GAS7: variants seen among roughly 807,000 people sequenced by gnomAD.
GAS7 encodes the protein growth arrest-specific protein 7.
In GAS7, 28 loss-of-function variants were observed where a neutral mutation model predicts 71.1. That is an observed-to-expected ratio of 0.39 (90% CI 0.29 to 0.54). The LOEUF is 0.54. GAS7 is among the 20% of genes least tolerant of loss of function. The pLI, the probability that GAS7 is intolerant of heterozygous loss-of-function variation, is 0.62. For synonymous variants in GAS7, 258 were observed against 245.8 expected, an observed-to-expected ratio of 1.05 and a Z score of -0.46; for missense variants, 436 against 627.8, an observed-to-expected ratio of 0.69 and a Z score of 3.27.
In GAS7 at chr17:9,917,200, AGGACCCCCCGAAGCTGCACAGG is replaced by A; in HGVS notation, c.*6_*27del. On this transcript the variant is annotated 3_prime_UTR_variant, in exon 14 of 14. Coordinates refer to ENST00000432992, the MANE Select transcript of GAS7 (RefSeq NM_201433.2). ...TGGGAGCCCAGCCCCCCTCCCCAGC[AGGACCCCCCGAAGCTGCACAGG>A]CCCATCTAGATCTCCATGTCCACAG... 2 of 968,998 alleles carry A rather than the reference AGGACCCCCCGAAGCTGCACAGG, an allele frequency of 2.1e-6. No individual in the cohort carries two copies. The highest frequency in any genetic ancestry group is 3.4e-6 in the Non-Finnish European group (2 of 593,344). 60.0% of individuals were successfully genotyped at this position (968,998 alleles called of 1,614,324 possible). A position where few individuals can be genotyped will look rare whatever the true frequency, so the allele number is the denominator to read the frequency against.
At chr17:9,922,562 G>A (rs558345676) in intron 11 of GAS7, among the ~76,000 whole-genome samples, 2 of 152,158 alleles carry the variant, frequency 1.3e-5, no homozygotes, top group South Asian at 2.1e-4. Flanking sequence ...CAGAAGAGGC[G>A]GTATTTTTCA....
rs2067707991 is a variant in GAS7 at position 9,919,303 on chromosome 17, G to T, written c.1218+323C>A. On this transcript the variant is annotated intron_variant, in intron 12 of 13. Coordinates refer to ENST00000432992, the MANE Select transcript of GAS7 (RefSeq NM_201433.2). The surrounding 1 kb of genome is among the most constrained non-coding windows in gnomAD (Gnocchi z 5.0). ...GGCGGTCCTCTCTTCCTATAGCTTG[G>T]CTATTTTTCCTAAAGAGGCCCTTGT... Among the ~76,000 whole-genome samples, 1 of 152,006 alleles carries T rather than the reference G, an allele frequency of 6.6e-6. No individual in the cohort carries two copies. Among genetic ancestry groups the T allele is most frequent in the South Asian group, 2.1e-4 (1 of 4,816 alleles).
At chr17:10,168,098 T>C (rs1191591462) in intron 1 of GAS7, among the ~76,000 whole-genome samples, 1 of 152,158 alleles carries the variant, frequency 6.6e-6, no homozygotes, top group East Asian at 1.9e-4. Context: ...CAGGCTCAAT[T>C]CTTTGCCATG....
intron 1 of GAS7, among the ~76,000 whole-genome samples, chr17:10,160,753 G>A (rs922994593): frequency 1.3e-5 from 2 of 152,174 alleles, no homozygotes; most frequent in South Asian, 2.1e-4. Context: ...TGCCTAGGCT[G>A]AATAGCAGTG....
At chr17:9,929,377 T>C (rs1436349652) in intron 9 of GAS7, among the ~76,000 whole-genome samples, 1 of 152,226 alleles carries the variant, frequency 6.6e-6, no homozygotes, top group Non-Finnish European at 1.5e-5. Context: ...TCAAATGACA[T>C]TCTGGAAGCG....
At chr17:9,997,567 G>C (rs2071097102) in intron 2 of GAS7, among the ~76,000 whole-genome samples, 1 of 152,162 alleles carries the variant, frequency 6.6e-6, no homozygotes, top group South Asian at 2.1e-4. Flanking sequence ...GTCTCCAGCG[G>C]ACACAAGCAG....
intron 13 of GAS7, 79 bp downstream of exon 13, chr17:9,917,922 T>C (rs780150518): frequency 9.9e-7 from 1 of 1,012,070 alleles, no homozygotes; most frequent in Non-Finnish European, 1.5e-6. Context: ...AGCAGCCACT[T>C]AACCTGCCAC....
intron 5 of GAS7, among the ~76,000 whole-genome samples, chr17:9,949,055 C>G (rs1165123911): frequency 6.6e-6 from 1 of 152,090 alleles, no homozygotes; most frequent in East Asian, 1.9e-4. Context: ...CCAGGCGTCA[C>G]AGAAACTGCA....
chr17:10,023,364 A>T (rs937726344), intron 1 of GAS7, among the ~76,000 whole-genome samples: 1 of 152,232 alleles, frequency 6.6e-6, no homozygotes, highest in African/African-American at 2.4e-5. Context: ...CCTAGAAACA[A>T]GCAGTCAGAC....
chr17:10,120,044 A>T (rs894853386), intron 1 of GAS7, among the ~76,000 whole-genome samples: 4 of 152,192 alleles, frequency 2.6e-5, no homozygotes, highest in Non-Finnish European at 5.9e-5. Context: ...TAGTGAGCAG[A>T]GCACCAAGGG....
At chr17:10,053,932 G>A (rs115907601) in intron 1 of GAS7, among the ~76,000 whole-genome samples, 1,888 of 152,192 alleles carry the variant, frequency 0.012, 37 homozygotes, top group African/African-American at 0.043. Flanking sequence ...ACAGTCTGCC[G>A]GGCCCACCCT....
intron 2 of GAS7, among the ~76,000 whole-genome samples, chr17:9,997,206 T>C (rs1173424459): frequency 8.4e-6 from 1 of 118,990 alleles, no homozygotes; most frequent in Non-Finnish European, 1.6e-5. Flanking sequence ...TTTCAGAAAT[T>C]AAATTCCATA....
chr17:10,164,357 G>A (rs560714234), intron 1 of GAS7, among the ~76,000 whole-genome samples: 28 of 150,836 alleles, frequency 1.9e-4, no homozygotes, highest in African/African-American at 6.1e-4. Flanking sequence ...CAGGAGAATC[G>A]CTTGAACCCG....
At chr17:10,051,045 G>A (rs571386325) in intron 1 of GAS7, among the ~76,000 whole-genome samples, 1 of 152,136 alleles carries the variant, frequency 6.6e-6, no homozygotes, top group African/African-American at 2.4e-5. Context: ...GCCAAGCAGA[G>A]AGGAAGCTCA....
chr17:10,093,026 C>A (rs2152257016), intron 1 of GAS7, among the ~76,000 whole-genome samples: 1 of 152,292 alleles, frequency 6.6e-6, no homozygotes, highest in Middle Eastern at 3.4e-3. Context: ...GGATAAGGAC[C>A]TGAATATCTG....
At chr17:10,083,333 C>T (rs760306444) in intron 1 of GAS7, among the ~76,000 whole-genome samples, 3 of 152,084 alleles carry the variant, frequency 2.0e-5, no homozygotes, top group Non-Finnish European at 2.9e-5. Context: ...TCAAGACCAG[C>T]GTGGCCAACA....
intron 5 of GAS7, among the ~76,000 whole-genome samples, chr17:9,950,867 AG>A (rs1001771714): frequency 3.3e-5 from 5 of 151,798 alleles, no homozygotes; most frequent in African/African-American, 1.2e-4. Flanking sequence ...AAAAAAAAAA[AG>A]GTGCACAGCT....
intron 1 of GAS7, among the ~76,000 whole-genome samples, chr17:10,057,572 G>A (rs2073160206): frequency 6.7e-6 from 1 of 150,162 alleles, no homozygotes; most frequent in Non-Finnish European, 1.5e-5. Flanking sequence ...CGCCCCGTCA[G>A]GGAGGGAGGT....
rs1009449265 is a variant in GAS7, at chr17:9,912,872, C to A, written c.*4356G>T. The A allele has an allele frequency of 1.7e-5, 4 of 232,822 alleles. No individual in the cohort carries two copies. The highest frequency in any genetic ancestry group is 5.6e-5 in the Admixed American group (1 of 17,768). 14.4% of individuals were successfully genotyped at this position (232,822 alleles called of 1,614,324 possible). A position where few individuals can be genotyped will look rare whatever the true frequency, so the allele number is the denominator to read the frequency against. ...AGTACGCCCATGCAATGAAATACTT[C>A]CCGGCAAGGAGAAGGAACAAACCAC... On this transcript the variant is annotated 3_prime_UTR_variant, in exon 14 of 14. Coordinates refer to ENST00000432992, the MANE Select transcript of GAS7 (RefSeq NM_201433.2).
Sources: allele counts gnomAD v4.1 joint callset (sites outside exome capture counted in the v4.1 genomes callset), GRCh38; gene constraint gnomAD v4.1.1; non-coding constraint Gnocchi (gnomAD v3.1); transcripts MANE v1.5; gene names NCBI Gene and HGNC (gene_info 2026-07-23, HGNC 2026-07-21).